Variants in COL22A1 observed in about 807,000 individuals in gnomAD.
The protein encoded by COL22A1 is collagen alpha-1(XXII) chain.
COL22A1 carries 221 observed loss-of-function variants against 248.9 expected under a neutral mutation model. That is an observed-to-expected ratio of 0.89 (90% CI 0.80 to 0.99). COL22A1 has a LOEUF of 0.99. Ranked by LOEUF, COL22A1 falls within the 50% of genes least tolerant of loss-of-function variation. The pLI is 0.00. For synonymous variants in COL22A1, 891 were observed against 793.4 expected, an observed-to-expected ratio of 1.12 and a Z score of -2.07; for missense variants, 2,240 against 2,179.0, an observed-to-expected ratio of 1.03 and a Z score of -0.56.
chr8:138,622,762 C>G (rs1048046998), intron 52 of COL22A1, among the ~76,000 whole-genome samples: 11 of 152,128 alleles, frequency 7.2e-5, no homozygotes, highest in African/African-American at 2.7e-4. Context: ...CACAATCTAT[C>G]TAGGAGCAGT....
At chr8:138,699,562 C>T (rs189599216) in intron 32 of COL22A1, among the ~76,000 whole-genome samples, 74 of 152,322 alleles carry the variant, frequency 4.9e-4, no homozygotes, top group African/African-American at 1.7e-3. Context: ...GGTTTCTAGA[C>T]GTTGCAGTGC....
In COL22A1 at chr8:138,747,269, G is replaced by T. The variant is rs573005029; in HGVS notation, c.2085+4189C>A. On this transcript the variant is annotated intron_variant, in intron 22 of 64. Coordinates refer to ENST00000303045, the MANE Select transcript of COL22A1 (RefSeq NM_152888.3). The stretch of plus-strand genomic sequence containing the variant: ...CTTATAAATGTTGAGTGCATTTAGG[G>T]TATATGAAGGTTCATTTTACTGTCC... Among the ~76,000 whole-genome samples the T allele has an allele frequency of 1.4e-4, 22 of 152,296 alleles. No individual in the cohort carries two copies. The East Asian group carries it at 4.0e-3, about 28-fold the overall frequency.
intron 56 of COL22A1, among the ~76,000 whole-genome samples, chr8:138,611,261 T>C (rs1280288836): frequency 3.9e-5 from 6 of 152,194 alleles, no homozygotes; most frequent in Non-Finnish European, 8.8e-5. Context: ...CTTCACTGGA[T>C]TACCTTGCTG....
At chr8:138,880,135 A>T (rs1375662813) in intron 2 of COL22A1, among the ~76,000 whole-genome samples, 1 of 152,264 alleles carries the variant, frequency 6.6e-6, no homozygotes, top group Non-Finnish European at 1.5e-5. Flanking sequence ...AATGTTGGAG[A>T]TAATACACAA....
At chr8:138,794,992 C>A (rs149253991) in intron 12 of COL22A1, among the ~76,000 whole-genome samples, 5 of 151,954 alleles carry the variant, frequency 3.3e-5, no homozygotes, top group African/African-American at 9.7e-5. Context: ...TGTGCCACAC[C>A]GTGCCTATGA....
chr8:138,701,076 G>C lies in COL22A1; in HGVS notation c.2560-932C>G, dbSNP rs148212714. Reference sequence around the variant, plus strand: ...TTGCAAATACTGTTCCCCTTGCCTGGAACATACTCTCCTCTCCCTTTCTAT... The same window carrying C: ...TTGCAAATACTGTTCCCCTTGCCTGCAACATACTCTCCTCTCCCTTTCTAT... On this transcript the variant is annotated intron_variant, in intron 31 of 64. Transcript: ENST00000303045. Among the ~76,000 whole-genome samples, 117 of 151,412 alleles carry C rather than the reference G, an allele frequency of 7.7e-4. 1 individual carries two copies. Among genetic ancestry groups the C allele is most frequent in the African/African-American group, 2.8e-3 (114 of 41,238 alleles).
intron 1 of COL22A1, among the ~76,000 whole-genome samples, chr8:138,886,176 A>G (rs1824650380): frequency 6.6e-6 from 1 of 152,210 alleles, no homozygotes; most frequent in African/African-American, 2.4e-5. Flanking sequence ...GAATCCAGTC[A>G]TATTTCTCAC....
chr8:138,871,978 T>C (rs1823381220), intron 3 of COL22A1, among the ~76,000 whole-genome samples: 1 of 152,148 alleles, frequency 6.6e-6, no homozygotes, highest in Non-Finnish European at 1.5e-5. Context: ...ATCTCCCTGA[T>C]CATGGCCACA....
chr8:138,848,906 G>A (rs936446063), intron 3 of COL22A1, among the ~76,000 whole-genome samples: 21 of 152,302 alleles, frequency 1.4e-4, no homozygotes, highest in South Asian at 4.1e-4. Context: ...CAGCCCTGCC[G>A]GATACCAGAC....
intron 44 of COL22A1, among the ~76,000 whole-genome samples, chr8:138,658,576 C>G (rs1237864665): frequency 2.0e-5 from 3 of 152,198 alleles, no homozygotes; most frequent in African/African-American, 7.2e-5. Context: ...GCTGTCTGCA[C>G]AACTTCACTG....
At chr8:138,877,312 C>T (rs535776765) in intron 3 of COL22A1, among the ~76,000 whole-genome samples, 2 of 152,312 alleles carry the variant, frequency 1.3e-5, no homozygotes, top group South Asian at 4.1e-4. Context: ...ACTGCCCCTT[C>T]GGAGACCCTG....
At chr8:138,598,569 C>T in intron 61 of COL22A1, 150 bp downstream of exon 61, 3 of 685,292 alleles carry the variant, frequency 4.4e-6, no homozygotes, top group Middle Eastern at 8.5e-4. Context: ...ACGGCAGATT[C>T]AGAGAGGAAA....
At chr8:138,602,037 A>T in intron 60 of COL22A1, 78 bp downstream of exon 60, 1 of 1,518,226 alleles carries the variant, frequency 6.6e-7, no homozygotes. Context: ...CCTTGGACAA[A>T]GGCCAGGCTC....
chr8:138,658,360 T>C (rs1823482365), intron 44 of COL22A1, among the ~76,000 whole-genome samples: 1 of 152,178 alleles, frequency 6.6e-6, no homozygotes, highest in Non-Finnish European at 1.5e-5. Context: ...AGCCAGGTAG[T>C]TAATGCTAAC....
intron 44 of COL22A1, among the ~76,000 whole-genome samples, chr8:138,658,730 T>C (rs759662353): frequency 6.6e-6 from 1 of 152,192 alleles, no homozygotes; most frequent in Non-Finnish European, 1.5e-5. Context: ...CTGTGAGTCC[T>C]TCTGGGAAAT....
chr8:138,708,629 A>C (rs1828688530), intron 30 of COL22A1, among the ~76,000 whole-genome samples: 1 of 152,234 alleles, frequency 6.6e-6, no homozygotes, highest in Admixed American at 6.5e-5. Flanking sequence ...CTTATACAAA[A>C]ATTAATTCAA....
intron 3 of COL22A1, among the ~76,000 whole-genome samples, chr8:138,859,144 G>T (rs879889710): frequency 6.6e-6 from 1 of 152,232 alleles, no homozygotes; most frequent in African/African-American, 2.4e-5. Context: ...GACAAGGTGT[G>T]ATTTATTTGT....
At chr8:138,869,524 G>A (rs1375873451) in intron 3 of COL22A1, among the ~76,000 whole-genome samples, 5 of 152,192 alleles carry the variant, frequency 3.3e-5, no homozygotes, top group Non-Finnish European at 2.9e-5. Flanking sequence ...AACGGTTCCA[G>A]GGGTCATCTC....
At chr8:138,703,416 C>A in intron 30 of COL22A1, 69 bp from the exon 31 acceptor site, 1 of 1,406,866 alleles carries the variant, frequency 7.1e-7, no homozygotes. Context: ...TGCAACAGAT[C>A]AGCTAACACT....
Sources: gnomAD v4.1 joint callset for allele counts (sites outside exome capture counted in the v4.1 genomes callset) on GRCh38, gnomAD v4.1.1 for gene constraint, MANE v1.5 for transcripts, NCBI Gene and HGNC (gene_info 2026-07-23, HGNC 2026-07-21) for gene names.